SCN1A: variants seen among roughly 807,000 people sequenced by gnomAD.
SCN1A encodes sodium channel protein type 1 subunit alpha.
A neutral mutation model predicts 193.7 loss-of-function variants in SCN1A; 13 were observed. The observed-to-expected ratio is 0.07, with a 90% CI of 0.04 to 0.11. The LOEUF is 0.11. SCN1A is among the 10% of genes least tolerant of loss of function. The probability of loss-of-function intolerance (pLI) is 1.00; values close to 1 mark genes in which losing one functional copy is unlikely to be tolerated. For missense variants in SCN1A, 1,432 were observed against 2,451.1 expected (o/e 0.58, Z 8.78); for synonymous variants, 781 against 843.6 (o/e 0.93, Z 1.29).
At chr2:166,028,997 C>G (rs182288324) in intron 19 of SCN1A, among the ~76,000 whole-genome samples, 93 of 152,074 alleles carry the variant, frequency 6.1e-4, no homozygotes, top group Admixed American at 2.8e-3. Context: ...TCAGGTGAAG[C>G]AGGATAGAGT....
chr2:166,104,918 T>A (rs755967393), intron 2 of SCN1A, among the ~76,000 whole-genome samples: 1 of 152,186 alleles, frequency 6.6e-6, no homozygotes, highest in East Asian at 1.9e-4. Context: ...AAAGAATTGG[T>A]ATCATGGTCC....
chr2:166,129,222 T>C (rs1265254173), upstream of SCN1A, among the ~76,000 whole-genome samples: 2 of 152,140 alleles, frequency 1.3e-5, no homozygotes, highest in African/African-American at 4.8e-5. Context: ...ACCACATAGC[T>C]TGCAAAGCAA....
rs74655577 is a variant in SCN1A, at chr2:166,051,678, A to G, written c.964+41T>C. 3.4e-6 allele frequency: 5 copies of G among 1,482,522 alleles called. No homozygotes were observed. The Admixed American group carries it at 9.0e-5, about 27-fold the overall frequency. The allele number at this position is 1,482,522 out of a possible 1,614,324, so 91.8% of individuals were successfully genotyped here. ...TATCCTTTGTGTTACAAACAATCCA[A>G]TTCTACTTTTTAAGGAAATGTACAT... On this transcript the variant is annotated intron_variant, in intron 9 of 28. Transcript: ENST00000674923.
chr2:166,094,780 G>A (rs4346404), intron 2 of SCN1A, among the ~76,000 whole-genome samples: 1 of 103,048 alleles, frequency 9.7e-6, no homozygotes, highest in Admixed American at 9.1e-5. Context: ...ACGATGCTCA[G>A]TTATACTCTT....
chr2:166,141,735 T>G (rs1393726324), intron 1 of SCN1A, among the ~76,000 whole-genome samples: 1 of 141,424 alleles, frequency 7.1e-6, no homozygotes, highest in Non-Finnish European at 1.6e-5. Flanking sequence ...CCTTTTCTTT[T>G]TTTTTTTTCT....
intron 6 of SCN1A, among the ~76,000 whole-genome samples, chr2:166,056,054 G>C (rs1398215114): frequency 6.6e-6 from 1 of 151,970 alleles, no homozygotes; most frequent in Non-Finnish European, 1.5e-5. Flanking sequence ...AACCCTTTTT[G>C]ATTCTTGATT....
At chr2:166,048,097 GTTA>G (rs76760370) in intron 10 of SCN1A, among the ~76,000 whole-genome samples, 27,106 of 151,648 alleles carry the variant, frequency 0.18, 2,702 homozygotes, top group East Asian at 0.33. Context: ...GAACAACATT[GTTA>G]TTATTATATA....
chr2:166,077,183 C>A (rs1443700608), intron 3 of SCN1A: 1 of 151,256 alleles, frequency 6.6e-6, no homozygotes, highest in Non-Finnish European at 1.5e-5. Context: ...ACACCAAAGG[C>A]ACGATCCATG....
Position 166,039,590 on chromosome 2 carries a change from T to C in SCN1A, c.2422A>G (p.Thr808Ala). 6.2e-7 allele frequency: 1 copy of C among 1,613,600 alleles called. No homozygotes were observed. The highest frequency in any genetic ancestry group is 8.5e-7 in the Non-Finnish European group (1 of 1,179,644). ...AACATTTCTGCTGTAAAGATCCCAGTGAAAACCTAAGATCAAAACAAAATT... is the reference window on the plus strand; with the variant it reads ...AACATTTCTGCTGTAAAGATCCCAGCGAAAACCTAAGATCAAAACAAAATT... ...NVLTVGNLVF[T>A]GIFTAEMFLK... The change falls in exon 17 of 29, where the codon ACT becomes GCT. Residue 808 changes from threonine to alanine, a missense_variant. Coordinates refer to ENST00000674923, the MANE Select transcript of SCN1A (RefSeq NM_001165963.4).
chr2:166,044,307 CAT>C (rs1697535202), intron 13 of SCN1A, among the ~76,000 whole-genome samples: 1 of 152,074 alleles, frequency 6.6e-6, no homozygotes, highest in African/African-American at 2.4e-5. Context: ...CACACACACA[CAT>C]ACACACACAC....
At chr2:166,017,497 T>A (rs954090684) in intron 19 of SCN1A, among the ~76,000 whole-genome samples, 2 of 152,020 alleles carry the variant, frequency 1.3e-5, no homozygotes, top group Admixed American at 1.3e-4. Flanking sequence ...CACAGATTCA[T>A]CATTTGGCCG....
At chr2:166,121,118 G>GAAAAAAAAA (rs11299049) in intron 2 of SCN1A, among the ~76,000 whole-genome samples, 43 of 96,354 alleles carry the variant, frequency 4.5e-4, no homozygotes, top group South Asian at 6.9e-4. Flanking sequence ...GGAAAAAAAA[G>GAAAAAAAAA]AAAAAAAAAA....
chr2:166,034,872 G>T (rs1251895114), intron 19 of SCN1A, among the ~76,000 whole-genome samples: 2 of 152,094 alleles, frequency 1.3e-5, no homozygotes, highest in Non-Finnish European at 2.9e-5. Context: ...ATGTGAGGAC[G>T]CAGCAAGGAG....
rs796053098 is a variant in SCN1A, at chr2:165,992,144, C to T, written c.5131G>A (p.Gly1711Ser). 1 of 1,613,820 alleles carries T rather than the reference C, an allele frequency of 6.2e-7. No individual in the cohort carries two copies. Among genetic ancestry groups the T allele is most frequent in the Non-Finnish European group, 8.5e-7 (1 of 1,179,904 alleles). The change falls in exon 29 of 29, where the codon GGC (glycine) becomes AGC (serine). Residue 1711 changes from glycine (G) to serine (S), a missense_variant. By Grantham distance (56) the Gly-to-Ser change is moderately conservative. This residue lies in a region of SCN1A where 85 missense variants were observed against 213.2 expected (regional missense o/e 0.40). Transcript: ENST00000674923. The surrounding 1 kb of genome is among the most constrained non-coding windows in gnomAD (Gnocchi z 6.5). ...IDDMFNFETF[G>S]NSMICLFQIT... ...TGGAATAGGCAGATCATGCTGTTGC[C>T]AAAGGTCTCAAAGTTGAACATGTCA...
intron 19 of SCN1A, among the ~76,000 whole-genome samples, chr2:166,021,659 G>T (rs567429702): frequency 1.3e-5 from 2 of 152,208 alleles, no homozygotes; most frequent in East Asian, 3.9e-4. Flanking sequence ...TTTCTAAAAT[G>T]CTATATGCTT....
At chr2:166,051,081 T>C (rs1210574699) in intron 9 of SCN1A, among the ~76,000 whole-genome samples, 1 of 151,990 alleles carries the variant, frequency 6.6e-6, no homozygotes, top group Non-Finnish European at 1.5e-5. Context: ...TCTCCTTTCA[T>C]TATATCAATC....
chr2:166,117,714 T>C lies in SCN1A; in HGVS notation c.-142+9210A>G, dbSNP rs192851097. ...TGCTAAAATCACATTAAGAATTTTT[T>C]GGCCGGGCACGGAGGTTCATGCCTG... On this transcript the variant is annotated intron_variant, in intron 2 of 28. Transcript: ENST00000674923. 2.4e-3 allele frequency among the ~76,000 whole-genome samples: 361 copies of C among 152,332 alleles called. 1 individual carries two copies. The highest frequency in any genetic ancestry group is 7.9e-3 in the African/African-American group (330 of 41,590).
intron 18 of SCN1A, 24 bp downstream of exon 18, chr2:166,037,752 T>C (rs1696590870): frequency 6.2e-7 from 1 of 1,610,312 alleles, no homozygotes; most frequent in Non-Finnish European, 8.5e-7. Flanking sequence ...ATTTCCAAAA[T>C]GCATATCTTA....
intron 1 of SCN1A, among the ~76,000 whole-genome samples, chr2:166,139,747 T>A (rs559965056): frequency 6.6e-6 from 1 of 152,088 alleles, no homozygotes; most frequent in Non-Finnish European, 1.5e-5. Flanking sequence ...TAAAACCATC[T>A]CGTGAGACTT....
Sources: allele counts gnomAD v4.1 joint callset (sites outside exome capture counted in the v4.1 genomes callset), GRCh38; gene constraint gnomAD v4.1.1; regional missense constraint gnomAD v4.1.1; non-coding constraint Gnocchi (gnomAD v3.1); transcripts MANE v1.5; gene names NCBI Gene and HGNC (gene_info 2026-07-23, HGNC 2026-07-21).